LANCL1: variants seen among roughly 807,000 people sequenced by gnomAD.
The protein encoded by LANCL1 is glutathione S-transferase LANCL1.
A neutral mutation model predicts 50.6 loss-of-function variants in LANCL1; 50 were observed. That is an observed-to-expected ratio of 0.99 (90% CI 0.79 to 1.25). LANCL1 has a LOEUF of 1.25. Among genes scored for constraint, LANCL1 ranks in the 50% most tolerant of loss-of-function variants. The probability of loss-of-function intolerance (pLI) is 0.00; values close to 1 mark genes in which losing one functional copy is unlikely to be tolerated. For missense variants in LANCL1, 532 were observed against 480.7 expected, an observed-to-expected ratio of 1.11 and a Z score of -1.00; for synonymous variants, 188 against 178.6, an observed-to-expected ratio of 1.05 and a Z score of -0.42.
At chr2:210,450,654 C>A (rs1023199727) in intron 4 of LANCL1, among the ~76,000 whole-genome samples, 21 of 152,034 alleles carry the variant, frequency 1.4e-4, no homozygotes, top group African/African-American at 4.8e-4. Context: ...ATAACTCCAT[C>A]AAAAAGTGGG....
intron 9 of LANCL1, 89 bp downstream of exon 9, chr2:210,435,298 A>T (rs540795617): frequency 2.0e-5 from 19 of 955,340 alleles, no homozygotes; most frequent in South Asian, 1.9e-4. Context: ...TAATTATAAA[A>T]TTTTTTGCTA....
intron 2 of LANCL1, among the ~76,000 whole-genome samples, chr2:210,476,114 T>C (rs1481644321): frequency 6.6e-6 from 1 of 152,234 alleles, no homozygotes; most frequent in Admixed American, 6.5e-5. Flanking sequence ...TTTCAATTAA[T>C]AATGTTAACA....
chr2:210,476,705 C>A lies in LANCL1; in HGVS notation c.-102G>T. 8.6e-7 allele frequency: 1 copy of A among 1,161,104 alleles called. No homozygotes were observed. Among genetic ancestry groups the A allele is most frequent in the Non-Finnish European group, 1.1e-6 (1 of 938,502 alleles). 71.9% of individuals were successfully genotyped at this position (1,161,104 alleles called of 1,614,324 possible). A position where few individuals can be genotyped will look rare whatever the true frequency, so the allele number is the denominator to read the frequency against. ...GCCTCCCGCGTCCTGAAGCCCTTCT[C>A]GGCCCTGGCCTCTCACCCCGCAGCC... On this transcript the variant is annotated 5_prime_UTR_variant, in exon 1 of 10. Transcript: ENST00000450366.
chr2:210,440,929 G>T (rs764329636), intron 5 of LANCL1, among the ~76,000 whole-genome samples, 185 bp from the exon 6 acceptor site: 3 of 152,196 alleles, frequency 2.0e-5, no homozygotes, highest in Admixed American at 6.5e-5. Flanking sequence ...AGCCTAGAAG[G>T]GGGAGGGCGT....
intron 4 of LANCL1, among the ~76,000 whole-genome samples, chr2:210,444,837 G>A (rs1693261148): frequency 6.6e-6 from 1 of 151,690 alleles, no homozygotes; most frequent in South Asian, 2.1e-4. Context: ...TTTCTACTTC[G>A]ATACCATATA....
chr2:210,460,117 T>C (rs1037215483), intron 3 of LANCL1, among the ~76,000 whole-genome samples: 2 of 152,222 alleles, frequency 1.3e-5, no homozygotes, highest in African/African-American at 2.4e-5. Flanking sequence ...CAAAATACTT[T>C]TCTGCGATTT....
At chr2:210,468,780 G>C (rs1325326204) in intron 3 of LANCL1, 1 of 152,298 alleles carries the variant, frequency 6.6e-6, no homozygotes, top group Non-Finnish European at 1.5e-5. Flanking sequence ...AAAGGAAGGA[G>C]CTGGGGTTCC....
intron 4 of LANCL1, 105 bp from the exon 5 acceptor site, chr2:210,441,548 A>G (rs992148451): frequency 4.8e-6 from 4 of 827,546 alleles, no homozygotes; most frequent in African/African-American, 3.4e-5. Context: ...CAAAATATGT[A>G]TTTATACATA....
chr2:210,467,795 C>A (rs564216004), intron 3 of LANCL1, among the ~76,000 whole-genome samples: 25 of 152,134 alleles, frequency 1.6e-4, no homozygotes, highest in Non-Finnish European at 2.4e-4. Context: ...CTTTCATTTT[C>A]AAGATCAACT....
At chr2:210,449,632 G>C (rs1276394545) in intron 4 of LANCL1, among the ~76,000 whole-genome samples, 2 of 151,788 alleles carry the variant, frequency 1.3e-5, no homozygotes, top group African/African-American at 4.8e-5. Flanking sequence ...ATCTCCTTAA[G>C]CTGCTGATAA....
At chr2:210,452,772 T>C (rs929873379) in intron 4 of LANCL1, among the ~76,000 whole-genome samples, 10 of 152,150 alleles carry the variant, frequency 6.6e-5, no homozygotes, top group Non-Finnish European at 1.0e-4. Flanking sequence ...TTAAAAATTA[T>C]GCTTTTGAAA....
intron 3 of LANCL1, among the ~76,000 whole-genome samples, chr2:210,462,247 C>T (rs1363535092): frequency 5.3e-5 from 8 of 152,180 alleles, no homozygotes; most frequent in Non-Finnish European, 1.0e-4. Context: ...TGTGTAGAGT[C>T]ATATATAACA....
In LANCL1 at chr2:210,431,615, A is replaced by T. The variant is rs2105874795; in HGVS notation, c.*2872T>A. On this transcript the variant is annotated 3_prime_UTR_variant, in exon 10 of 10. Coordinates refer to ENST00000450366, the MANE Select transcript of LANCL1 (RefSeq NM_006055.3). ...AGGCAGGGCATCGTAAGATCAGACAAAAATTAACCTGAGGACATAGTAGCA... is the reference window on the plus strand; with the variant it reads ...AGGCAGGGCATCGTAAGATCAGACATAAATTAACCTGAGGACATAGTAGCA... The T allele has an allele frequency of 6.6e-6, 1 of 152,354 alleles. No homozygotes were observed. Among genetic ancestry groups the T allele is most frequent in the African/African-American group, 2.4e-5 (1 of 41,586 alleles). The allele number at this position is 152,354 out of a possible 1,614,324, so 9.4% of individuals were successfully genotyped here.
chr2:210,475,095 C>A (rs1044170812), intron 2 of LANCL1, among the ~76,000 whole-genome samples: 1 of 152,180 alleles, frequency 6.6e-6, no homozygotes, highest in Non-Finnish European at 1.5e-5. Context: ...ACCTCTTCTT[C>A]ATCTCTTTGA....
In LANCL1 at chr2:210,455,183, C is replaced by T; in HGVS notation, c.331G>A (p.Ala111Thr). The change falls in exon 4 of 10, where the codon GCA (alanine) becomes ACA (threonine). Residue 111 changes from alanine to threonine, a missense_variant. Physicochemically the swap from Ala to Thr is moderately conservative, Grantham distance 58 (BLOSUM62 0). Coordinates refer to ENST00000450366, the MANE Select transcript of LANCL1 (RefSeq NM_006055.3). Reference sequence around the variant, plus strand: ...ACAGCGGCCACTGCCAGGGGGCCTGCATCCCCACAAAGGAAGGTGATGGAG... The same window carrying T: ...ACAGCGGCCACTGCCAGGGGGCCTGTATCCCCACAAAGGAAGGTGATGGAG... The part of the protein sequence containing the change: ...KRSITFLCGD[A>T]GPLAVAAVLY... The T allele has an allele frequency of 6.2e-7, 1 of 1,613,720 alleles. No homozygotes were observed. Among genetic ancestry groups the T allele is most frequent in the Non-Finnish European group, 8.5e-7 (1 of 1,179,760 alleles).
intron 3 of LANCL1, among the ~76,000 whole-genome samples, chr2:210,463,197 G>T (rs974841334): frequency 2.6e-5 from 4 of 152,028 alleles, no homozygotes; most frequent in Non-Finnish European, 5.9e-5. Flanking sequence ...TGGTATTCTG[G>T]CCATAAAGGT....
chr2:210,454,308 TATG>T (rs1693601491), intron 4 of LANCL1, among the ~76,000 whole-genome samples: 1 of 151,950 alleles, frequency 6.6e-6, no homozygotes, highest in African/African-American at 2.4e-5. Context: ...AATACAGCAC[TATG>T]ATATCTTAAA....
At position 210,435,467 on chromosome 2, in the gene LANCL1, T is replaced by C. The variant is rs1692895234; in HGVS notation, c.1051-8A>G. The stretch of plus-strand genomic sequence containing the variant: ...TAAGCACCATTCAGCAAACTGAAAA[T>C]GAGACCAAGTTAAATTAGTATAGTG... On this transcript the variant is annotated splice_polypyrimidine_tract_variant and splice_region_variant and intron_variant, in intron 8 of 9. Coordinates refer to ENST00000450366, the MANE Select transcript of LANCL1 (RefSeq NM_006055.3). 6.2e-7 allele frequency: 1 copy of C among 1,609,828 alleles called. No homozygotes were observed. Among genetic ancestry groups the C allele is most frequent in the Non-Finnish European group, 8.5e-7 (1 of 1,176,262 alleles).
rs751313008 is a variant in LANCL1 at position 210,471,991 on chromosome 2, G to C, written c.167C>G (p.Pro56Arg). The C allele has an allele frequency of 6.2e-7, 1 of 1,614,050 alleles. No homozygotes were observed. Among genetic ancestry groups the C allele is most frequent in the Non-Finnish European group, 8.5e-7 (1 of 1,179,914 alleles). ...QMERGLKSAD[P>R]RDGTGYTGWA... ...GCCAGTGTAACCGGTGCCATCCCGAGGGTCTGCTGATTTCAGGCCTCTCTC... is the reference window on the plus strand; with the variant it reads ...GCCAGTGTAACCGGTGCCATCCCGACGGTCTGCTGATTTCAGGCCTCTCTC... Residue 56 changes from proline to arginine, a missense_variant, in exon 3 of 10, where the codon CCT becomes CGT. By Grantham distance (103) the Pro-to-Arg change is moderately radical. Coordinates refer to ENST00000450366, the MANE Select transcript of LANCL1 (RefSeq NM_006055.3).
Sources: allele counts gnomAD v4.1 joint callset (sites outside exome capture counted in the v4.1 genomes callset), GRCh38; gene constraint gnomAD v4.1.1; transcripts MANE v1.5; gene names NCBI Gene and HGNC (gene_info 2026-07-23, HGNC 2026-07-21).